Variants in KIF3C observed in about 807,000 individuals in gnomAD.
The protein encoded by KIF3C is kinesin-like protein KIF3C.
KIF3C carries 12 observed loss-of-function variants against 67.7 expected under a neutral mutation model. The ratio of observed to expected loss-of-function variants is 0.18; its 90% CI spans 0.11 to 0.29. The LOEUF (loss-of-function observed/expected upper bound fraction) is 0.29. Ranked by LOEUF, KIF3C falls within the 10% of genes least tolerant of loss-of-function variation. The pLI is 1.00. For synonymous variants in KIF3C, 393 were observed against 426.2 expected (o/e 0.92, Z 0.96); for missense variants, 789 against 1,059.6 (o/e 0.74, Z 3.55).
intron 4 of KIF3C, among the ~76,000 whole-genome samples, chr2:25,952,558 TATA>T (rs763515484): frequency 0.082 from 11,925 of 145,246 alleles, 2,078 homozygotes; most frequent in East Asian, 0.75. Context: ...TGTATATATA[TATA>T]TATTTTTTTT....
chr2:25,948,686 G>C (rs1266835336), intron 5 of KIF3C, among the ~76,000 whole-genome samples: 1 of 135,848 alleles, frequency 7.4e-6, no homozygotes, highest in African/African-American at 2.7e-5. Context: ...GAGAAAGAAA[G>C]AAAGGAAGGA....
In KIF3C at chr2:25,981,103, C is replaced by T. The variant is rs568353754; in HGVS notation, c.815G>A (p.Gly272Asp). The T allele has an allele frequency of 6.8e-6, 11 of 1,614,242 alleles. No individual in the cohort carries two copies. The Admixed American group carries it at 1.2e-4, about 17-fold the overall frequency. Residue 272 changes from glycine to aspartate, a missense_variant, in exon 1 of 8, where the codon GGT becomes GAT. Transcript: ENST00000264712. This position sits in a 1 kb window ranked among gnomAD's most constrained non-coding sequence, Gnocchi z 8.2. Reference sequence around the variant, plus strand: ...ACCACCACTGCCTCCACCGCCACCACCGCCACCCGAGGATGGTGTGGCTGC... The same window carrying T: ...ACCACCACTGCCTCCACCGCCACCATCGCCACCCGAGGATGGTGTGGCTGC... ...GGAATPSSGG[G>D]GGGGGSGGGA... is the part of the protein sequence containing the mutation.
chr2:25,955,535 T>TCTCA lies in KIF3C; in HGVS notation c.1770+2_1770+5dup. 6.2e-7 allele frequency: 1 copy of TCTCA among 1,613,980 alleles called. No homozygotes were observed. The highest frequency in any genetic ancestry group is 2.2e-5 in the East Asian group (1 of 44,854). On this transcript the variant is annotated splice_donor_region_variant and intron_variant, in intron 3 of 7. Coordinates refer to ENST00000264712, the MANE Select transcript of KIF3C (RefSeq NM_002254.8). The surrounding 1 kb of genome is among the most constrained non-coding windows in gnomAD (Gnocchi z 5.0). Reference sequence around the variant, plus strand: ...CACCTTAACCGGTCCTGCTGCAGCGTCTCACCTTCTTGAGTTTCTTGGTTT... The same window carrying TCTCA: ...CACCTTAACCGGTCCTGCTGCAGCGTCTCACTCACCTTCTTGAGTTTCTTGGTTT...
chr2:25,975,666 A>G (rs1441192818), intron 1 of KIF3C, among the ~76,000 whole-genome samples: 1 of 152,206 alleles, frequency 6.6e-6, no homozygotes, highest in Non-Finnish European at 1.5e-5. Context: ...TCTATAAAAC[A>G]AGAACAATAA....
chr2:25,980,841 G>C lies in KIF3C; in HGVS notation c.1077C>G (p.Ala359=). The change falls in exon 1 of 8, where the codon GCC becomes GCG. Residue 359 remains alanine, a synonymous_variant. Coordinates refer to ENST00000264712, the MANE Select transcript of KIF3C (RefSeq NM_002254.8). This position sits in a 1 kb window ranked among gnomAD's most constrained non-coding sequence, Gnocchi z 7.6. ...YDESLSTLRF[A]NRAKNIKNKP... ...TGTTCTTGATGTTCTTGGCTCGGTT[G>C]GCAAAGCGCAAGGTGGAGAGGCTCT... is the stretch of plus-strand genomic sequence containing the variant. The C allele has an allele frequency of 6.2e-7, 1 of 1,614,218 alleles. No individual in the cohort carries two copies.
In KIF3C at chr2:25,955,426, CTCAGGGGT is replaced by C; in HGVS notation, c.1770+107_1770+114del. On this transcript the variant is annotated intron_variant, in intron 3 of 7. Coordinates refer to ENST00000264712, the MANE Select transcript of KIF3C (RefSeq NM_002254.8). This position sits in a 1 kb window ranked among gnomAD's most constrained non-coding sequence, Gnocchi z 5.0. ...TCACCCCCGAGGCCAAGCCATGTCA[CTCAGGGGT>C]TCAGCAGTTCCAGCCAAATGGGGAG... The C allele has an allele frequency of 7.4e-7, 1 of 1,342,540 alleles. No individual in the cohort carries two copies. Among genetic ancestry groups the C allele is most frequent in the Non-Finnish European group, 1.0e-6 (1 of 966,486 alleles). 83.2% of individuals were successfully genotyped at this position (1,342,540 alleles called of 1,614,324 possible). A position where few individuals can be genotyped will look rare whatever the true frequency, so the allele number is the denominator to read the frequency against.
chr2:25,927,848 G>A lies in KIF3C; in HGVS notation c.*1130C>T, dbSNP rs75576321. 0.032 allele frequency: 4,911 copies of A among 152,638 alleles called. 136 individuals are homozygous for A. Among genetic ancestry groups the A allele is most frequent in the African/African-American group, 0.069 (2,877 of 41,520 alleles). 9.5% of individuals were successfully genotyped at this position (152,638 alleles called of 1,614,324 possible). ...ACATTTTGGGCCATCACAAAGGAAG[G>A]TAAGGAGTATCCCCCTAGGAACCAA... On this transcript the variant is annotated 3_prime_UTR_variant, in exon 8 of 8. Coordinates refer to ENST00000264712, the MANE Select transcript of KIF3C (RefSeq NM_002254.8).
intron 5 of KIF3C, among the ~76,000 whole-genome samples, chr2:25,931,132 C>G (rs1415005697): frequency 6.6e-6 from 1 of 152,070 alleles, no homozygotes; most frequent in Non-Finnish European, 1.5e-5. Context: ...TTGGTACTAG[C>G]TGCAGTTTCA....
chr2:25,976,436 A>C (rs1402113561), intron 1 of KIF3C, among the ~76,000 whole-genome samples: 1 of 152,132 alleles, frequency 6.6e-6, no homozygotes, highest in African/African-American at 2.4e-5. Flanking sequence ...CTAAAATCAA[A>C]GTTTTAGGAA....
At chr2:25,965,349 G>A (rs918860005) in intron 1 of KIF3C, among the ~76,000 whole-genome samples, 2 of 152,094 alleles carry the variant, frequency 1.3e-5, no homozygotes, top group Admixed American at 6.6e-5. Context: ...TCCCATGCTC[G>A]GAAATATGTC....
At chr2:25,970,066 T>C (rs565117441) in intron 1 of KIF3C, among the ~76,000 whole-genome samples, 1 of 152,268 alleles carries the variant, frequency 6.6e-6, no homozygotes, top group South Asian at 2.1e-4. Context: ...GGTTAGAAGC[T>C]GGGGGTTTGC....
chr2:25,935,738 A>G (rs1325527288), intron 5 of KIF3C, among the ~76,000 whole-genome samples: 1 of 152,128 alleles, frequency 6.6e-6, no homozygotes, highest in African/African-American at 2.4e-5. Flanking sequence ...ACCCAGTTAC[A>G]TTACTATTCA....
chr2:25,962,844 ATATATAATATAATATAT>A (rs1663998256), intron 1 of KIF3C, among the ~76,000 whole-genome samples: 2 of 65,418 alleles, frequency 3.1e-5, no homozygotes, highest in Non-Finnish European at 5.3e-5. Context: ...AAAATATATA[ATATATAATATAATATAT>A]AATATATATA....
At chr2:25,976,129 T>C (rs1015006726) in intron 1 of KIF3C, among the ~76,000 whole-genome samples, 4 of 152,172 alleles carry the variant, frequency 2.6e-5, no homozygotes, top group African/African-American at 7.2e-5. Context: ...CTTGCATTTA[T>C]GGTTAATCCC....
chr2:25,954,016 T>C, intron 4 of KIF3C: 1 of 455,438 alleles, frequency 2.2e-6, no homozygotes, highest in Non-Finnish European at 3.9e-6. Context: ...TATGCAAAGA[T>C]GGTAGCCTCA....
chr2:25,981,135 C>T lies in KIF3C; in HGVS notation c.783G>A (p.Ala261=), dbSNP rs748980729. ...CCGAGGATGGTGTGGCTGCCCCTCC[C>T]GCTGTGTTGGGGCCTGCCTTGTTCT... ...ERQNKAGPNT[A]GGAATPSSGG... Residue 261 remains alanine (A), a synonymous_variant, in exon 1 of 8, where the codon GCG becomes GCA. Transcript: ENST00000264712. The surrounding 1 kb of genome is among the most constrained non-coding windows in gnomAD (Gnocchi z 8.2). 8.1e-6 allele frequency: 13 copies of T among 1,614,178 alleles called. No individual in the cohort carries two copies. Among genetic ancestry groups the T allele is most frequent in the South Asian group, 4.4e-5 (4 of 91,086 alleles).
At chr2:25,960,005 A>G (rs1663905927) in intron 1 of KIF3C, among the ~76,000 whole-genome samples, 1 of 152,006 alleles carries the variant, frequency 6.6e-6, no homozygotes, top group African/African-American at 2.4e-5. Context: ...GAGACCCTTC[A>G]TTTTCCCCAG....
intron 1 of KIF3C, among the ~76,000 whole-genome samples, chr2:25,974,588 G>A (rs1353097836): frequency 6.6e-6 from 1 of 152,162 alleles, no homozygotes; most frequent in Non-Finnish European, 1.5e-5. Context: ...AGAGGCCTCA[G>A]AACTGGTAAG....
chr2:25,963,992 C>T (rs945226643), intron 1 of KIF3C, among the ~76,000 whole-genome samples: 12 of 151,988 alleles, frequency 7.9e-5, no homozygotes, highest in African/African-American at 2.9e-4. Context: ...TCCCTGGCTC[C>T]GCATGAAGTA....
Sources: gnomAD v4.1 joint callset for allele counts (sites outside exome capture counted in the v4.1 genomes callset) on GRCh38, gnomAD v4.1.1 for gene constraint, Gnocchi (gnomAD v3.1) non-coding constraint, MANE v1.5 for transcripts, NCBI Gene and HGNC (gene_info 2026-07-23, HGNC 2026-07-21) for gene names.